Variants in MAGI2 observed in about 807,000 individuals in gnomAD.
The protein encoded by MAGI2 is membrane-associated guanylate kinase, WW and PDZ domain-containing protein 2.
Under a neutral mutation model 133.3 loss-of-function variants are expected in MAGI2, and 35 were observed. The observed-to-expected ratio is 0.26, with a 90% CI of 0.20 to 0.35. The LOEUF (loss-of-function observed/expected upper bound fraction) is 0.35. Ranked by LOEUF, MAGI2 falls within the 10% of genes least tolerant of loss-of-function variation. MAGI2 has a pLI of 1.00. For missense variants in MAGI2, 1,636 were observed against 1,863.4 expected, an observed-to-expected ratio of 0.88 and a Z score of 2.25; for synonymous variants, 729 against 710.6, an observed-to-expected ratio of 1.03 and a Z score of -0.41.
intron 1 of MAGI2, among the ~76,000 whole-genome samples, chr7:79,147,873 G>C (rs1822802490): frequency 6.6e-6 from 1 of 152,280 alleles, no homozygotes; most frequent in Admixed American, 6.5e-5. Flanking sequence ...GGCCAGGTAT[G>C]TCCAGCTCTA....
chr7:79,415,504 G>C (rs1386425599), intron 1 of MAGI2: 3 of 152,120 alleles, frequency 2.0e-5, no homozygotes, highest in African/African-American at 7.2e-5. Flanking sequence ...CCAGATAGCT[G>C]CCTTAGAATG....
intron 2 of MAGI2, among the ~76,000 whole-genome samples, chr7:78,914,944 A>G (rs2151623002): frequency 6.6e-6 from 1 of 152,302 alleles, no homozygotes; most frequent in Non-Finnish European, 1.5e-5. Context: ...AACTATCAGA[A>G]TAGCGGGTAG....
intron 2 of MAGI2, among the ~76,000 whole-genome samples, chr7:78,707,715 T>A (rs534719638): frequency 1.3e-5 from 2 of 152,120 alleles, no homozygotes; most frequent in Non-Finnish European, 2.9e-5. Flanking sequence ...TGAATTTCCA[T>A]CTGGTCCCTA....
intron 2 of MAGI2, among the ~76,000 whole-genome samples, chr7:78,663,873 A>G (rs1310029483): frequency 6.6e-6 from 1 of 152,186 alleles, no homozygotes; most frequent in Non-Finnish European, 1.5e-5. Context: ...TGATTATTAC[A>G]CTACAAAATT....
At chr7:78,967,319 T>C (rs1336494653) in intron 2 of MAGI2, among the ~76,000 whole-genome samples, 1 of 152,064 alleles carries the variant, frequency 6.6e-6, no homozygotes, top group Non-Finnish European at 1.5e-5. Flanking sequence ...TGGTATTGAG[T>C]TGTAGGAGTT....
chr7:78,346,823 T>G (rs1790960703), intron 7 of MAGI2, among the ~76,000 whole-genome samples: 1 of 152,178 alleles, frequency 6.6e-6, no homozygotes, highest in South Asian at 2.1e-4. Context: ...GCTCTTTCTC[T>G]AGGATATAAA....
At chr7:78,807,540 G>T (rs1788685025) in intron 2 of MAGI2, among the ~76,000 whole-genome samples, 1 of 151,994 alleles carries the variant, frequency 6.6e-6, no homozygotes, top group African/African-American at 2.4e-5. Flanking sequence ...ACAGTGAAAA[G>T]GGCAAACAAC....
chr7:78,233,418 C>T (rs754007074), intron 10 of MAGI2, among the ~76,000 whole-genome samples: 1 of 152,060 alleles, frequency 6.6e-6, no homozygotes, highest in Non-Finnish European at 1.5e-5. Flanking sequence ...ACAGAGAGAG[C>T]ATTTTCAATA....
At chr7:79,216,010 C>T (rs1040560550) in intron 1 of MAGI2, among the ~76,000 whole-genome samples, 11 of 151,832 alleles carry the variant, frequency 7.2e-5, no homozygotes, top group Non-Finnish European at 1.3e-4. Flanking sequence ...AAACCCGCAG[C>T]GCTAAATGGG....
At chr7:78,313,123 A>G (rs971045725) in intron 9 of MAGI2, among the ~76,000 whole-genome samples, 1 of 152,062 alleles carries the variant, frequency 6.6e-6, no homozygotes, top group Non-Finnish European at 1.5e-5. Context: ...GTTCTGACTT[A>G]TAAGTGGGAG....
rs184927792 is a variant in MAGI2, at chr7:79,020,093, C to T, written c.302-12887G>A. 2.5e-4 allele frequency among the ~76,000 whole-genome samples: 38 copies of T among 152,234 alleles called. 1 individual carries two copies. In the Middle Eastern group the frequency reaches 0.01, roughly 41 times the overall value. The stretch of plus-strand genomic sequence containing the variant: ...CTGATAGTGATATGGACAATGAAGT[C>T]CAGGCTGAGGTAGTCTCAGTTGGAG... On this transcript the variant is annotated intron_variant, in intron 1 of 21. Coordinates refer to ENST00000354212, the MANE Select transcript of MAGI2 (RefSeq NM_012301.4).
At chr7:78,804,466 G>A (rs1788340837) in intron 2 of MAGI2, among the ~76,000 whole-genome samples, 1 of 151,178 alleles carries the variant, frequency 6.6e-6, no homozygotes, top group South Asian at 2.1e-4. Flanking sequence ...AAAAAACTTT[G>A]GGCCAGGCAC....
intron 10 of MAGI2, among the ~76,000 whole-genome samples, chr7:78,236,952 A>G (rs978539589): frequency 6.6e-6 from 1 of 152,226 alleles, no homozygotes; most frequent in South Asian, 2.1e-4. Context: ...GAAACCCCTT[A>G]TAAAAACATC....
chr7:78,634,689 A>C (rs1258317745), intron 2 of MAGI2, among the ~76,000 whole-genome samples: 3 of 152,208 alleles, frequency 2.0e-5, no homozygotes. Flanking sequence ...TTGCAACTCA[A>C]AAGATGATGA....
At chr7:78,202,544 G>T (rs1829345108) in intron 10 of MAGI2, among the ~76,000 whole-genome samples, 1 of 151,902 alleles carries the variant, frequency 6.6e-6, no homozygotes, top group South Asian at 2.1e-4. Context: ...TTAGCCAGGT[G>T]TGGAGGCATG....
intron 1 of MAGI2, among the ~76,000 whole-genome samples, chr7:79,246,657 G>GA (rs918837061): frequency 3.4e-4 from 52 of 151,772 alleles, no homozygotes; most frequent in African/African-American, 1.0e-3. Context: ...TATAAATCTA[G>GA]AAAAAAAAGC....
intron 1 of MAGI2, among the ~76,000 whole-genome samples, chr7:79,123,060 C>T (rs183457723): frequency 3.3e-5 from 5 of 152,256 alleles, no homozygotes; most frequent in African/African-American, 1.2e-4. Flanking sequence ...AAACAACCAC[C>T]AACCAAACAA....
At chr7:79,417,297 A>G (rs990839118) in intron 1 of MAGI2, among the ~76,000 whole-genome samples, 1 of 152,132 alleles carries the variant, frequency 6.6e-6, no homozygotes, top group African/African-American at 2.4e-5. Flanking sequence ...TATTCTCTAT[A>G]TTGAGAAAAC....
chr7:78,708,861 A>ATT (rs11452836), intron 2 of MAGI2, among the ~76,000 whole-genome samples: 1 of 151,798 alleles, frequency 6.6e-6, no homozygotes, highest in Non-Finnish European at 1.5e-5. Context: ...TCTAATACTC[A>ATT]TTTTTTAAAG....
Sources: allele counts gnomAD v4.1 joint callset (sites outside exome capture counted in the v4.1 genomes callset), GRCh38; gene constraint gnomAD v4.1.1; transcripts MANE v1.5; gene names NCBI Gene and HGNC (gene_info 2026-07-23, HGNC 2026-07-21).